ISLR: variants seen among roughly 807,000 people sequenced by gnomAD.
ISLR encodes immunoglobulin superfamily containing leucine rich repeat, also known as immunoglobulin superfamily containing leucine-rich repeat protein.
ISLR carries 9 observed loss-of-function variants against 11.0 expected under a neutral mutation model. That is an observed-to-expected ratio of 0.82 (90% CI 0.49 to 1.43). The LOEUF is 1.43. Among genes scored for constraint, ISLR ranks in the 40% most tolerant of loss-of-function variants. The pLI, the probability that ISLR is intolerant of heterozygous loss-of-function variation, is 0.00. For missense variants in ISLR, 510 were observed against 576.4 expected, an observed-to-expected ratio of 0.88 and a Z score of 1.18; for synonymous variants, 262 against 264.1, an observed-to-expected ratio of 0.99 and a Z score of 0.08.
chr15:74,175,124 TG>T lies in ISLR; in HGVS notation c.268del (p.Ala90ProfsTer8). 3 of 1,610,640 alleles carry T rather than the reference TG, an allele frequency of 1.9e-6. No individual in the cohort carries two copies. The East Asian group carries it at 6.7e-5, about 36-fold the overall frequency. ...LWLAHNEIRT[V>X]AAGALASLSH... is the part of the protein sequence containing the mutation. ...CTGGCACACAATGAGATCCGCACGG[TG>T]GCCGCCGGAGCCCTGGCCTCTCTGA... On this transcript the variant is annotated frameshift_variant, in exon 2 of 2. Transcript: ENST00000249842. LOFTEE classifies it high-confidence loss of function. This position sits in a 1 kb window ranked among gnomAD's most constrained non-coding sequence, Gnocchi z 4.7.
Position 74,175,654 on chromosome 15 carries a change from C to T in ISLR, c.796C>T (p.Gln266Ter). 5 of 1,614,152 alleles carry T rather than the reference C, an allele frequency of 3.1e-6. No individual in the cohort carries two copies. The highest frequency in any genetic ancestry group is 3.4e-6 in the Non-Finnish European group (4 of 1,180,038). The change falls in exon 2 of 2, where the codon CAG becomes TAG. Residue 266 changes from glutamine to a stop codon, truncating the protein, a stop_gained. Coordinates refer to ENST00000249842, the MANE Select transcript of ISLR (RefSeq NM_005545.4). LOFTEE classifies it high-confidence loss of function. The surrounding 1 kb of genome is among the most constrained non-coding windows in gnomAD (Gnocchi z 4.7). Reference sequence around the variant, plus strand: ...TGATGTGGACGGGCAGCCGGCCCCTCAGCTTCACTGGCACATCCAGATACC... The same window carrying T: ...TGATGTGGACGGGCAGCCGGCCCCTTAGCTTCACTGGCACATCCAGATACC... ...HCDVDGQPAP[Q>*]LHWHIQIPSG...
In ISLR at chr15:74,175,947, G is replaced by A. The variant is rs754833709; in HGVS notation, c.1089G>A (p.Ala363=). The A allele has an allele frequency of 6.8e-6, 11 of 1,610,716 alleles. No individual in the cohort carries two copies. The highest frequency in any genetic ancestry group is 3.3e-5 in the South Asian group (3 of 90,730). ...DTLGRRFHGK[A]VEGKGCYTVD... ...TGGGGCGCAGGTTCCATGGCAAAGC[G>A]GTTGAGGGAAAGGGCTGCTATACGG... Residue 363 remains alanine (A), a synonymous_variant, in exon 2 of 2, where the codon GCG becomes GCA. Transcript: ENST00000249842. The surrounding 1 kb of genome is among the most constrained non-coding windows in gnomAD (Gnocchi z 4.7).
In ISLR at chr15:74,175,633, G is replaced by A. The variant is rs764197388; in HGVS notation, c.775G>A (p.Val259Met). 3.7e-6 allele frequency: 6 copies of A among 1,614,082 alleles called. No homozygotes were observed. Among genetic ancestry groups the A allele is most frequent in the Non-Finnish European group, 5.1e-6 (6 of 1,180,030 alleles). ...PGFVLALHCD[V>M]DGQPAPQLHW... ...TTTTGTGCTGGCACTGCACTGTGAT[G>A]TGGACGGGCAGCCGGCCCCTCAGCT... Residue 259 changes from valine to methionine, a missense_variant, in exon 2 of 2, where the codon GTG becomes ATG. By Grantham distance (21) the Val-to-Met change is conservative (BLOSUM62 1). Coordinates refer to ENST00000249842, the MANE Select transcript of ISLR (RefSeq NM_005545.4). The surrounding 1 kb of genome is among the most constrained non-coding windows in gnomAD (Gnocchi z 4.7).
chr15:74,175,956 A>G lies in ISLR; in HGVS notation c.1098A>G (p.Gly366=). Residue 366 remains glycine, a synonymous_variant, in exon 2 of 2, where the codon GGA becomes GGG. Coordinates refer to ENST00000249842, the MANE Select transcript of ISLR (RefSeq NM_005545.4). This position sits in a 1 kb window ranked among gnomAD's most constrained non-coding sequence, Gnocchi z 4.7. ...GGTTCCATGGCAAAGCGGTTGAGGG[A>G]AAGGGCTGCTATACGGTTGACAACG... ...GRRFHGKAVE[G]KGCYTVDNEV... The G allele has an allele frequency of 2.5e-6, 4 of 1,610,946 alleles. No homozygotes were observed. The highest frequency in any genetic ancestry group is 3.4e-6 in the Non-Finnish European group (4 of 1,177,820).
At chr15:74,174,786 G>A in intron 1 of ISLR, 65 bp from the exon 2 acceptor site, 1 of 1,304,026 alleles carries the variant, frequency 7.7e-7, no homozygotes, top group Non-Finnish European at 1.0e-6. Flanking sequence ...GGCTGGGCTT[G>A]TGGGAGGAAT....
rs147336826 is a variant in ISLR at position 74,175,727 on chromosome 15, G to A, written c.869G>A (p.Arg290His). Residue 290 changes from arginine to histidine, a missense_variant, in exon 2 of 2, where the codon CGT becomes CAT. Physicochemically the swap from Arg to His is conservative, Grantham distance 29. Coordinates refer to ENST00000249842, the MANE Select transcript of ISLR (RefSeq NM_005545.4). The surrounding 1 kb of genome is among the most constrained non-coding windows in gnomAD (Gnocchi z 4.7). ...AGCCCCAACGTGGGCACTGATGGGC[G>A]TGCCCTGCCTGGCACCCCTGTGGCC... The part of the protein sequence containing the change: ...ITSPNVGTDG[R>H]ALPGTPVASS... 1.1e-4 allele frequency: 176 copies of A among 1,613,888 alleles called. 1 individual carries two copies. In the African/African-American group the frequency reaches 1.4e-3, roughly 13 times the overall value.
rs991366708 is a variant in ISLR at position 74,174,979 on chromosome 15, C to G, written c.121C>G (p.Leu41Val). ...GATCGCCGACTGTGCCTACCGCGAC[C>G]TAGAATCCGTGCCGCCTGGCTTCCC... ...FQIADCAYRDLESVPPGFPAN... is the reference protein window; with the variant it reads ...FQIADCAYRDVESVPPGFPAN... Residue 41 changes from leucine (L) to valine (V), a missense_variant, in exon 2 of 2, where the codon CTA becomes GTA. Leu to Val is a conservative substitution (Grantham distance 32, BLOSUM62 1). Coordinates refer to ENST00000249842, the MANE Select transcript of ISLR (RefSeq NM_005545.4). The G allele has an allele frequency of 2.4e-5, 39 of 1,613,276 alleles. No individual in the cohort carries two copies. The highest frequency in any genetic ancestry group is 3.2e-5 in the Non-Finnish European group (38 of 1,179,844).
chr15:74,175,742 C>G lies in ISLR; in HGVS notation c.884C>G (p.Thr295Ser). Residue 295 changes from threonine to serine, a missense_variant, in exon 2 of 2, where the codon ACC becomes AGC. Physicochemically the swap from Thr to Ser is moderately conservative, Grantham distance 58 (BLOSUM62 1). Transcript: ENST00000249842. This position sits in a 1 kb window ranked among gnomAD's most constrained non-coding sequence, Gnocchi z 4.7. ...ACTGATGGGCGTGCCCTGCCTGGCA[C>G]CCCTGTGGCCAGCTCCCAGCCGCGC... ...VGTDGRALPG[T>S]PVASSQPRFQ... 6.2e-7 allele frequency: 1 copy of G among 1,613,866 alleles called. No individual in the cohort carries two copies. The highest frequency in any genetic ancestry group is 1.3e-5 in the African/African-American group (1 of 75,076).
Position 74,175,654 on chromosome 15 carries a change from C to A in ISLR, c.796C>A (p.Gln266Lys). 6.2e-7 allele frequency: 1 copy of A among 1,614,152 alleles called. No homozygotes were observed. Among genetic ancestry groups the A allele is most frequent in the Non-Finnish European group, 8.5e-7 (1 of 1,180,038 alleles). The change falls in exon 2 of 2, where the codon CAG becomes AAG. Residue 266 changes from glutamine (Q) to lysine (K), a missense_variant. By Grantham distance (53) the Gln-to-Lys change is moderately conservative. Transcript: ENST00000249842. The surrounding 1 kb of genome is among the most constrained non-coding windows in gnomAD (Gnocchi z 4.7). ...HCDVDGQPAP[Q>K]LHWHIQIPSG... is the part of the protein sequence containing the mutation. ...TGATGTGGACGGGCAGCCGGCCCCT[C>A]AGCTTCACTGGCACATCCAGATACC... is the stretch of plus-strand genomic sequence containing the variant.
Position 74,176,538 on chromosome 15 carries a change from A to T in ISLR, c.*393A>T, listed in dbSNP as rs916881257. The T allele has an allele frequency of 4.6e-6, 1 of 217,134 alleles. No individual in the cohort carries two copies. The highest frequency in any genetic ancestry group is 9.9e-6 in the Non-Finnish European group (1 of 100,800). The allele number at this position is 217,134 out of a possible 1,614,324, so 13.5% of individuals were successfully genotyped here. A position where few individuals can be genotyped will look rare whatever the true frequency, so the allele number is the denominator to read the frequency against. On this transcript the variant is annotated 3_prime_UTR_variant, in exon 2 of 2. Coordinates refer to ENST00000249842, the MANE Select transcript of ISLR (RefSeq NM_005545.4). ...GGAATGGAGCTGGGGCTTAGCTGGG[A>T]GGTGGTCTGAAGCAGACAGGGAATG...
At chr15:74,174,792 G>A in intron 1 of ISLR, 59 bp from the exon 2 acceptor site, 1 of 1,345,436 alleles carries the variant, frequency 7.4e-7, no homozygotes, top group Non-Finnish European at 9.9e-7. Context: ...GCTTGTGGGA[G>A]GAATGAGTCC....
rs1256895588 is a variant in ISLR, at chr15:74,176,399, T to C, written c.*254T>C. 1.8e-5 allele frequency: 8 copies of C among 448,802 alleles called. No individual in the cohort carries two copies. The highest frequency in any genetic ancestry group is 3.2e-5 in the Non-Finnish European group (8 of 247,312). The allele number at this position is 448,802 out of a possible 1,614,324, so 27.8% of individuals were successfully genotyped here. A position where few individuals can be genotyped will look rare whatever the true frequency, so the allele number is the denominator to read the frequency against. Reference sequence around the variant, plus strand: ...TTGCTGCTAACAGCATTGCCTGTGCTCTCCTCTCAGGGGCAGCATGCTAAC... The same window carrying C: ...TTGCTGCTAACAGCATTGCCTGTGCCCTCCTCTCAGGGGCAGCATGCTAAC... On this transcript the variant is annotated 3_prime_UTR_variant, in exon 2 of 2. Coordinates refer to ENST00000249842, the MANE Select transcript of ISLR (RefSeq NM_005545.4).
In ISLR at chr15:74,174,443, T is replaced by TG. The variant is rs1406262300; in HGVS notation, c.-8-402dup. The TG allele has an allele frequency of 5.6e-5, 4 of 71,686 alleles. No individual in the cohort carries two copies. The East Asian group carries it at 1.6e-3, about 28-fold the overall frequency. 4.4% of individuals were successfully genotyped at this position (71,686 alleles called of 1,614,324 possible). A position where few individuals can be genotyped will look rare whatever the true frequency, so the allele number is the denominator to read the frequency against. Reference sequence around the variant, plus strand: ...TCTGGGCCAAGGCAAAGCATACCTATGGGGGGCTCCGGTGGGAGGGACTGC... The same window carrying TG: ...TCTGGGCCAAGGCAAAGCATACCTATGGGGGGGCTCCGGTGGGAGGGACTGC... On this transcript the variant is annotated intron_variant, in intron 1 of 1. Transcript: ENST00000249842.
At position 74,175,495 on chromosome 15, in the gene ISLR, C is replaced by A; in HGVS notation, c.637C>A (p.Pro213Thr). ...GCAGGACAACATCGCCTGCACCTCA[C>A]CCCATGTGCTCAAGGGTACGCCGCT... Reference protein sequence around the residue: ...PEQDNIACTSPHVLKGTPLSR... With the variant: ...PEQDNIACTSTHVLKGTPLSR... Residue 213 changes from proline to threonine, a missense_variant, in exon 2 of 2, where the codon CCC becomes ACC. Pro to Thr is a conservative substitution (Grantham distance 38). Coordinates refer to ENST00000249842, the MANE Select transcript of ISLR (RefSeq NM_005545.4). The surrounding 1 kb of genome is among the most constrained non-coding windows in gnomAD (Gnocchi z 4.7). 1 of 1,610,392 alleles carries A rather than the reference C, an allele frequency of 6.2e-7. No homozygotes were observed. The highest frequency in any genetic ancestry group is 8.5e-7 in the Non-Finnish European group (1 of 1,179,960).
chr15:74,175,521 G>T lies in ISLR; in HGVS notation c.663G>T (p.Leu221=). The stretch of plus-strand genomic sequence containing the variant: ...CCCATGTGCTCAAGGGTACGCCGCT[G>T]AGCCGCCTGCCGCCACTGCCATGCT... ...TSPHVLKGTP[L]SRLPPLPCSA... The change falls in exon 2 of 2, where the codon CTG becomes CTT. Residue 221 remains leucine (L), a synonymous_variant. Transcript: ENST00000249842. The surrounding 1 kb of genome is among the most constrained non-coding windows in gnomAD (Gnocchi z 4.7). 2 of 1,609,784 alleles carry T rather than the reference G, an allele frequency of 1.2e-6. No individual in the cohort carries two copies. Among genetic ancestry groups the T allele is most frequent in the Non-Finnish European group, 1.7e-6 (2 of 1,179,368 alleles).
At position 74,176,172 on chromosome 15, in the gene ISLR, C is replaced by T. The variant is rs751533270; in HGVS notation, c.*27C>T. On this transcript the variant is annotated 3_prime_UTR_variant, in exon 2 of 2. Transcript: ENST00000249842. ...CCCACCCAGGGCTTCCCTAACTCCT[C>T]CCCTTGCCCCTACCAATGCCCCTTT... is the stretch of plus-strand genomic sequence containing the variant. 2 of 1,514,396 alleles carry T rather than the reference C, an allele frequency of 1.3e-6. No individual in the cohort carries two copies. The highest frequency in any genetic ancestry group is 2.2e-5 in the Admixed American group (1 of 46,040). 93.8% of individuals were successfully genotyped at this position (1,514,396 alleles called of 1,614,324 possible).
chr15:74,176,434 T>A lies in ISLR; in HGVS notation c.*289T>A. On this transcript the variant is annotated 3_prime_UTR_variant, in exon 2 of 2. Transcript: ENST00000249842. ...GGGGCAGCATGCTAACGGGGCGACGTCCTAATCCAACTGGGAGAAGCCTCA... is the reference window on the plus strand; with the variant it reads ...GGGGCAGCATGCTAACGGGGCGACGACCTAATCCAACTGGGAGAAGCCTCA... The A allele has an allele frequency of 2.6e-6, 1 of 388,108 alleles. No homozygotes were observed. The highest frequency in any genetic ancestry group is 4.8e-6 in the Non-Finnish European group (1 of 208,298). The allele number at this position is 388,108 out of a possible 1,614,324, so 24.0% of individuals were successfully genotyped here. A position where few individuals can be genotyped will look rare whatever the true frequency, so the allele number is the denominator to read the frequency against.
chr15:74,175,228 C>T lies in ISLR; in HGVS notation c.370C>T (p.Leu124Phe). The change falls in exon 2 of 2, where the codon CTC (leucine) becomes TTC (phenylalanine). Residue 124 changes from leucine (L) to phenylalanine (F), a missense_variant. By Grantham distance (22) the Leu-to-Phe change is conservative (BLOSUM62 0). Coordinates refer to ENST00000249842, the MANE Select transcript of ISLR (RefSeq NM_005545.4). The surrounding 1 kb of genome is among the most constrained non-coding windows in gnomAD (Gnocchi z 4.7). ...GAGCGACCTGCACAACCTCAGTGCC[C>T]TCCAATTGCTCAAGATGGACAGCAA... ...AWSDLHNLSA[L>F]QLLKMDSNEL... The T allele has an allele frequency of 1.2e-6, 2 of 1,613,520 alleles. No homozygotes were observed. The highest frequency in any genetic ancestry group is 1.3e-5 in the African/African-American group (1 of 75,056).
intron 1 of ISLR, 147 bp from the exon 2 acceptor site, chr15:74,174,704 G>A: frequency 1.7e-6 from 1 of 572,196 alleles, no homozygotes. Context: ...GTAGGATGGG[G>A]GCGGTGGGCT....
Sources: allele counts gnomAD v4.1 joint callset, GRCh38; gene constraint gnomAD v4.1.1; non-coding constraint Gnocchi (gnomAD v3.1); transcripts MANE v1.5; gene names NCBI Gene and HGNC (gene_info 2026-07-23, HGNC 2026-07-21).